The following FCRL2 variants were observed in gnomAD, a reference collection of about 807,000 sequenced individuals.
FCRL2 encodes the protein Fc receptor like 2.
FCRL2 carries 48 observed loss-of-function variants against 59.8 expected under a neutral mutation model. The observed-to-expected ratio is 0.80, with a 90% CI of 0.64 to 1.02. The LOEUF (loss-of-function observed/expected upper bound fraction) is 1.02, where lower values mean the gene tolerates loss of function less well. Ranked by LOEUF, FCRL2 falls within the 50% of genes least tolerant of loss-of-function variation. FCRL2 has a pLI of 0.00. For missense variants in FCRL2, 658 were observed against 597.3 expected, an observed-to-expected ratio of 1.10 and a Z score of -1.06; for synonymous variants, 251 against 229.5, an observed-to-expected ratio of 1.09 and a Z score of -0.85.
At chr1:157,770,754 C>T in intron 2 of FCRL2, 88 bp from the exon 3 acceptor site, 1 of 1,399,702 alleles carries the variant, frequency 7.1e-7, no homozygotes, top group Non-Finnish European at 9.8e-7. Context: ...TCAGGCATAG[C>T]CTCTACTTCT....
intron 7 of FCRL2, 62 bp downstream of exon 7, chr1:157,766,793 A>C (rs892147880): frequency 1.3e-6 from 2 of 1,578,346 alleles, no homozygotes; most frequent in Non-Finnish European, 8.6e-7. Flanking sequence ...TTGTAATTTC[A>C]ATCTATATCA....
chr1:157,771,345 A>C (rs1650005738), intron 2 of FCRL2, among the ~76,000 whole-genome samples: 1 of 152,192 alleles, frequency 6.6e-6, no homozygotes, highest in East Asian at 1.9e-4. Flanking sequence ...GCTGTCATCC[A>C]GCCCTCAGAG....
intron 7 of FCRL2, among the ~76,000 whole-genome samples, chr1:157,755,557 A>G (rs1204557864): frequency 2.0e-5 from 3 of 151,438 alleles, no homozygotes; most frequent in Non-Finnish European, 3.0e-5. Flanking sequence ...AATGACATCT[A>G]AAAGAAAAAT....
chr1:157,774,666 T>C lies in FCRL2; in HGVS notation c.52+1109A>G, dbSNP rs1469545900. Among the ~76,000 whole-genome samples the C allele has an allele frequency of 2.0e-5, 3 of 152,130 alleles. No homozygotes were observed. In the East Asian group the frequency reaches 5.8e-4, roughly 29 times the overall value. On this transcript the variant is annotated intron_variant, in intron 2 of 11. Transcript: ENST00000361516. ...TGATCGAGGTTTCCTCTAATTTCCA[T>C]CCAGACAGACAGTGGAGTGATGGGT...
At chr1:157,749,811 A>T in intron 7 of FCRL2, 134 bp from the exon 8 acceptor site, 2 of 548,842 alleles carry the variant, frequency 3.6e-6, no homozygotes, top group East Asian at 5.6e-5. Context: ...TATTTCATCT[A>T]AATGGCTACT....
chr1:157,746,571 A>G lies in FCRL2; in HGVS notation c.*165T>C, dbSNP rs1260185872. The G allele has an allele frequency of 1.6e-6, 1 of 628,120 alleles. No individual in the cohort carries two copies. Among genetic ancestry groups the G allele is most frequent in the African/African-American group, 1.8e-5 (1 of 54,226 alleles). The allele number at this position is 628,120 out of a possible 1,614,324, so 38.9% of individuals were successfully genotyped here. Reference sequence around the variant, plus strand: ...TGAATATTGATAGGTAAAAGAAGATATTGGAGAAGAAACATCATCAGGACA... The same window carrying G: ...TGAATATTGATAGGTAAAAGAAGATGTTGGAGAAGAAACATCATCAGGACA... On this transcript the variant is annotated 3_prime_UTR_variant, in exon 12 of 12. Transcript: ENST00000361516.
rs1341974137 is a variant in FCRL2 at position 157,746,082 on chromosome 1, G to C, written c.*654C>G. 6.6e-6 allele frequency: 1 copy of C among 152,122 alleles called. No individual in the cohort carries two copies. Among genetic ancestry groups the C allele is most frequent in the Non-Finnish European group, 1.5e-5 (1 of 68,034 alleles). 9.4% of individuals were successfully genotyped at this position (152,122 alleles called of 1,614,324 possible). ...TAGACCAATATCAAGCGCTGAAGTT[G>C]AATTAGTAATAAAAAACTTACCAAC... is the stretch of plus-strand genomic sequence containing the variant. On this transcript the variant is annotated 3_prime_UTR_variant, in exon 12 of 12. Transcript: ENST00000361516.
chr1:157,772,028 T>TTATATATATA (rs35452726), intron 2 of FCRL2, among the ~76,000 whole-genome samples: 30 of 147,078 alleles, frequency 2.0e-4, no homozygotes, highest in African/African-American at 7.0e-4. Flanking sequence ...AACAATCTGA[T>TTATATATATA]TATATATATA....
At chr1:157,770,999 G>A (rs61691958) in intron 2 of FCRL2, among the ~76,000 whole-genome samples, 2 of 152,000 alleles carry the variant, frequency 1.3e-5, no homozygotes, top group South Asian at 2.1e-4. Context: ...CCAACTTTTC[G>A]CTCTACCGTC....
intron 7 of FCRL2, among the ~76,000 whole-genome samples, chr1:157,750,331 T>C (rs980013165): frequency 6.6e-6 from 1 of 152,208 alleles, no homozygotes; most frequent in Non-Finnish European, 1.5e-5. Flanking sequence ...GCCACATAGA[T>C]GTATATAGAG....
chr1:157,773,215 A>G (rs913571667), intron 2 of FCRL2, among the ~76,000 whole-genome samples: 1 of 152,202 alleles, frequency 6.6e-6, no homozygotes, highest in African/African-American at 2.4e-5. Flanking sequence ...GTGTTCAGTT[A>G]CAGTTTCTCA....
In FCRL2 at chr1:157,770,092, T is replaced by G; in HGVS notation, c.369A>C (p.Pro123=). The G allele has an allele frequency of 1.9e-6, 3 of 1,614,188 alleles. No homozygotes were observed. In the South Asian group the frequency reaches 3.3e-5, roughly 18 times the overall value. The change falls in exon 4 of 12, where the codon CCA becomes CCC. Residue 123 remains proline, a synonymous_variant. Transcript: ENST00000361516. ...ASSFQPIEGG[P]VSLKCETRLS... ...GCCGGGTCTCACATTTCAGGCTCAC[T>G]GGACCCCCTTCGATGGGCTGGAAGG...
chr1:157,771,670 C>T (rs1340006953), intron 2 of FCRL2, among the ~76,000 whole-genome samples: 1 of 152,046 alleles, frequency 6.6e-6, no homozygotes, highest in African/African-American at 2.4e-5. Flanking sequence ...TAATTTTGAC[C>T]CCGTCACTTC....
intron 3 of FCRL2, 40 bp downstream of exon 3, chr1:157,770,369 G>T: frequency 6.3e-7 from 1 of 1,589,764 alleles, no homozygotes; most frequent in South Asian, 1.1e-5. Flanking sequence ...TGCTGCCGTG[G>T]TCTCTCACCC....
intron 2 of FCRL2, 120 bp from the exon 3 acceptor site, chr1:157,770,786 A>G (rs1258582739): frequency 3.8e-6 from 4 of 1,054,014 alleles, no homozygotes; most frequent in Admixed American, 5.4e-5. Context: ...GGAAGTTCCA[A>G]TCCATGCCTT....
intron 1 of FCRL2, among the ~76,000 whole-genome samples, chr1:157,776,263 T>C (rs1007986577): frequency 6.6e-5 from 10 of 152,176 alleles, no homozygotes; most frequent in Admixed American, 1.3e-4. Context: ...CAAATATTTA[T>C]TTAGTGCCTA....
At chr1:157,771,484 C>T (rs1263052895) in intron 2 of FCRL2, among the ~76,000 whole-genome samples, 1 of 152,190 alleles carries the variant, frequency 6.6e-6, no homozygotes, top group East Asian at 1.9e-4. Flanking sequence ...TAATTATCTA[C>T]TTGAATTCTC....
At chr1:157,760,699 G>GAAAGAAAGAAAGAAAT (rs1648983172) in intron 7 of FCRL2, among the ~76,000 whole-genome samples, 3 of 36,424 alleles carry the variant, frequency 8.2e-5, no homozygotes, top group Non-Finnish European at 1.8e-4. Context: ...AAGAAAGAAG[G>GAAAGAAAGAAAGAAAT]AAAGAAAGAA....
In FCRL2 at chr1:157,768,424, G is replaced by A. The variant is rs1370663891; in HGVS notation, c.873C>T (p.Ile291=). The change falls in exon 5 of 12, where the codon ATC becomes ATT. Residue 291 remains isoleucine (I), a synonymous_variant. Transcript: ENST00000361516. The stretch of plus-strand genomic sequence containing the variant: ...GAGAGTGTCACTCACTTCTCACAGG[G>A]ATATTCACCACCTTGCTCTGGATAG... ...HVPIQSKVVN[I]PVRIPVSRPV... is the part of the protein sequence containing the mutation. The A allele has an allele frequency of 2.5e-6, 4 of 1,613,654 alleles. No individual in the cohort carries two copies. The South Asian group carries it at 4.4e-5, about 18-fold the overall frequency.
Sources: allele counts gnomAD v4.1 joint callset (sites outside exome capture counted in the v4.1 genomes callset), GRCh38; gene constraint gnomAD v4.1.1; transcripts MANE v1.5; gene names NCBI Gene and HGNC (gene_info 2026-07-23, HGNC 2026-07-21).